The following RPRD2 variants were observed in gnomAD, a reference collection of about 807,000 sequenced individuals.
RPRD2 encodes regulation of nuclear pre-mRNA domain-containing protein 2.
RPRD2 carries 12 observed loss-of-function variants against 104.4 expected under a neutral mutation model. The observed-to-expected ratio is 0.11, with a 90% CI of 0.07 to 0.19. The LOEUF (loss-of-function observed/expected upper bound fraction) is 0.19. RPRD2 is among the 10% of genes least tolerant of loss of function. RPRD2 has a pLI of 1.00. For missense variants in RPRD2, 1,543 were observed against 1,790.1 expected, an observed-to-expected ratio of 0.86 and a Z score of 2.49; for synonymous variants, 714 against 684.9, an observed-to-expected ratio of 1.04 and a Z score of -0.66.
At chr1:150,376,986 A>C (rs1313625789) in intron 1 of RPRD2, among the ~76,000 whole-genome samples, 1 of 142,798 alleles carries the variant, frequency 7.0e-6, no homozygotes, top group South Asian at 2.3e-4. Flanking sequence ...CAAGGTGGGG[A>C]GATCACCTGA....
At chr1:150,412,972 TA>T (rs201693128) in intron 1 of RPRD2, among the ~76,000 whole-genome samples, 4 of 149,272 alleles carry the variant, frequency 2.7e-5, no homozygotes, top group East Asian at 3.9e-4. Context: ...GATCTTTTCT[TA>T]AAAAAAAAGG....
At chr1:150,433,924 T>TACACAC (rs71667950) in intron 2 of RPRD2, among the ~76,000 whole-genome samples, 1 of 141,692 alleles carries the variant, frequency 7.1e-6, no homozygotes, top group African/African-American at 2.8e-5. Context: ...ATAGTGTGTA[T>TACACAC]ACACACACAC....
rs1489973568 is a variant in RPRD2, at chr1:150,471,072, C to T, written c.2124C>T (p.Phe708=). Residue 708 remains phenylalanine (F), a synonymous_variant, in exon 11 of 11, where the codon TTC becomes TTT. Transcript: ENST00000369068. The surrounding 1 kb of genome is among the most constrained non-coding windows in gnomAD (Gnocchi z 5.3). ...SAPSESHPSD[F]QRGPTSTSID... is the part of the protein sequence containing the mutation. ...CATCAGAGAGCCATCCCTCAGACTT[C>T]CAGCGTGGCCCTACTAGCACCTCAA... The T allele has an allele frequency of 2.0e-5, 33 of 1,613,890 alleles. No individual in the cohort carries two copies. Among genetic ancestry groups the T allele is most frequent in the Non-Finnish European group, 2.6e-5 (31 of 1,179,902 alleles).
intron 2 of RPRD2, among the ~76,000 whole-genome samples, chr1:150,433,514 A>C (rs1214086772): frequency 1.7e-4 from 22 of 131,674 alleles, no homozygotes; most frequent in Non-Finnish European, 1.2e-4. Context: ...GCGCAATCTC[A>C]GCTCACTGCA....
chr1:150,393,297 G>T (rs782172010), intron 1 of RPRD2, among the ~76,000 whole-genome samples: 1 of 151,506 alleles, frequency 6.6e-6, no homozygotes, highest in East Asian at 1.9e-4. Context: ...TGGCAAAATC[G>T]CATCTACAGA....
At chr1:150,384,450 CATTATTATTATTATT>C (rs60436957) in intron 1 of RPRD2, among the ~76,000 whole-genome samples, 4 of 132,346 alleles carry the variant, frequency 3.0e-5, no homozygotes, top group Admixed American at 2.4e-4. Flanking sequence ...GCATCATCAT[CATTATTATTATTATT>C]ATTATTATTA....
chr1:150,460,683 G>GT (rs1409582335), intron 9 of RPRD2, among the ~76,000 whole-genome samples: 1 of 151,172 alleles, frequency 6.6e-6, no homozygotes, highest in Non-Finnish European at 1.5e-5. Flanking sequence ...GATTATAGGC[G>GT]TGAGTCACCG....
intron 2 of RPRD2, among the ~76,000 whole-genome samples, chr1:150,418,069 G>T (rs1560185559): frequency 6.6e-6 from 1 of 152,070 alleles, no homozygotes; most frequent in Non-Finnish European, 1.5e-5. Context: ...CCGGGTTCAA[G>T]CAATTCTCTT....
At chr1:150,370,490 C>T (rs587742009) in intron 1 of RPRD2, among the ~76,000 whole-genome samples, 6 of 151,810 alleles carry the variant, frequency 4.0e-5, no homozygotes, top group African/African-American at 1.4e-4. Flanking sequence ...ATTGGACTAG[C>T]CTCTCTGTAG....
chr1:150,401,106 G>C (rs1183513803), intron 1 of RPRD2, among the ~76,000 whole-genome samples: 1 of 152,200 alleles, frequency 6.6e-6, no homozygotes, highest in East Asian at 1.9e-4. Context: ...AACCCGGGAA[G>C]GTGGAGCTTG....
intron 1 of RPRD2, among the ~76,000 whole-genome samples, chr1:150,377,613 A>C (rs1215906272): frequency 6.6e-6 from 1 of 151,828 alleles, no homozygotes; most frequent in Non-Finnish European, 1.5e-5. Context: ...AAAAAAAAAA[A>C]CATTTAGTAA....
Position 150,400,049 on chromosome 1 carries a change from A to G in RPRD2, c.206-17547A>G, listed in dbSNP as rs147358846. 8.1e-4 allele frequency among the ~76,000 whole-genome samples: 123 copies of G among 152,268 alleles called. 1 individual carries two copies. In the East Asian group the frequency reaches 0.022, roughly 27 times the overall value. On this transcript the variant is annotated intron_variant, in intron 1 of 10. Coordinates refer to ENST00000369068, the MANE Select transcript of RPRD2 (RefSeq NM_015203.5). ...GTATATCTCGCCATTTATTTAGGTC[A>G]TCTTTGATTTCTTTTATCAGTGTTT...
chr1:150,428,448 C>T, intron 2 of RPRD2, among the ~76,000 whole-genome samples: 1 of 110,086 alleles, frequency 9.1e-6, no homozygotes, highest in Non-Finnish European at 1.7e-5. Flanking sequence ...GAGTGAGACT[C>T]TGTCTCAAAA....
rs1042305011 is a variant in RPRD2 at position 150,364,523 on chromosome 1, C to T, written c.-192C>T. On this transcript the variant is annotated 5_prime_UTR_variant, in exon 1 of 11. Coordinates refer to ENST00000369068, the MANE Select transcript of RPRD2 (RefSeq NM_015203.5). ...AGCCCCTCCTTGCAGCGTGTAGGAG[C>T]TGCCAGCGTGCCCAGCAGCTGGTGT... The T allele has an allele frequency of 9.1e-6, 5 of 550,510 alleles. No homozygotes were observed. Among genetic ancestry groups the T allele is most frequent in the Non-Finnish European group, 1.6e-5 (5 of 314,130 alleles). 34.1% of individuals were successfully genotyped at this position (550,510 alleles called of 1,614,324 possible).
At position 150,464,745 on chromosome 1, in the gene RPRD2, G is replaced by A. The variant is rs1553899572; in HGVS notation, c.1612+18G>A. 1 of 1,586,794 alleles carries A rather than the reference G, an allele frequency of 6.3e-7. No homozygotes were observed. Reference sequence around the variant, plus strand: ...ACTGCAAGGTAACTGACATATGCCAGAGGGACTCGAATTGTGAATGTTTGT... The same window carrying A: ...ACTGCAAGGTAACTGACATATGCCAAAGGGACTCGAATTGTGAATGTTTGT... On this transcript the variant is annotated intron_variant, in intron 10 of 10. Transcript: ENST00000369068.
intron 1 of RPRD2, among the ~76,000 whole-genome samples, chr1:150,383,606 C>T (rs189623078): frequency 1.2e-3 from 182 of 152,042 alleles, no homozygotes; most frequent in African/African-American, 4.1e-3. Context: ...TGTGAGCCAC[C>T]GTGCCCAGCC....
chr1:150,432,455 A>G (rs1553892053), intron 2 of RPRD2, among the ~76,000 whole-genome samples: 1 of 152,060 alleles, frequency 6.6e-6, no homozygotes, highest in East Asian at 1.9e-4. Flanking sequence ...GGTAGTATTA[A>G]GAGGTGGAGC....
intron 2 of RPRD2, among the ~76,000 whole-genome samples, chr1:150,433,602 G>C (rs1017176627): frequency 6.7e-6 from 1 of 148,928 alleles, no homozygotes; most frequent in South Asian, 2.1e-4. Flanking sequence ...CCGCCACAAC[G>C]CCCAGCTAAT....
At chr1:150,373,289 C>T (rs2102092785) in intron 1 of RPRD2, among the ~76,000 whole-genome samples, 1 of 152,182 alleles carries the variant, frequency 6.6e-6, no homozygotes, top group East Asian at 1.9e-4. Flanking sequence ...GCTGGGATTA[C>T]AGGCGTGAGC....
Sources: gnomAD v4.1 joint callset for allele counts (sites outside exome capture counted in the v4.1 genomes callset) on GRCh38, gnomAD v4.1.1 for gene constraint, Gnocchi (gnomAD v3.1) non-coding constraint, MANE v1.5 for transcripts, NCBI Gene and HGNC (gene_info 2026-07-23, HGNC 2026-07-21) for gene names.